Variants in ZFPM2 observed in about 807,000 individuals in gnomAD.
ZFPM2 encodes the protein zinc finger protein ZFPM2.
ZFPM2 carries 20 observed loss-of-function variants against 98.6 expected under a neutral mutation model. The ratio of observed to expected loss-of-function variants is 0.20; its 90% CI spans 0.14 to 0.29. The LOEUF is 0.29. ZFPM2 is among the 10% of genes least tolerant of loss of function. ZFPM2 has a pLI of 1.00. For missense variants in ZFPM2, 1,310 were observed against 1,388.6 expected, an observed-to-expected ratio of 0.94 and a Z score of 0.90; for synonymous variants, 518 against 502.7, an observed-to-expected ratio of 1.03 and a Z score of -0.41.
chr8:105,715,061 C>A (rs1811486640), intron 5 of ZFPM2, among the ~76,000 whole-genome samples: 1 of 151,974 alleles, frequency 6.6e-6, no homozygotes, highest in Admixed American at 6.6e-5. Flanking sequence ...CATGTTGTAA[C>A]TATACTTGTT....
At chr8:105,668,986 A>T (rs1262140058) in intron 5 of ZFPM2, among the ~76,000 whole-genome samples, 1 of 152,176 alleles carries the variant, frequency 6.6e-6, no homozygotes, top group East Asian at 1.9e-4. Flanking sequence ...GTGAAATATC[A>T]AGTTGTTTAA....
intron 1 of ZFPM2, among the ~76,000 whole-genome samples, chr8:105,342,747 A>T (rs971017825): frequency 1.4e-4 from 22 of 152,074 alleles, no homozygotes; most frequent in Non-Finnish European, 5.9e-5. Flanking sequence ...CTTACCAATT[A>T]CAATTTTGTT....
At chr8:105,733,886 A>G (rs1388680084) in intron 5 of ZFPM2, among the ~76,000 whole-genome samples, 2 of 151,926 alleles carry the variant, frequency 1.3e-5, no homozygotes, top group African/African-American at 4.8e-5. Context: ...AAGAAAATAC[A>G]CATGAGCTTT....
chr8:105,729,405 G>T (rs1208891211), intron 5 of ZFPM2, among the ~76,000 whole-genome samples: 5 of 151,226 alleles, frequency 3.3e-5, no homozygotes, highest in African/African-American at 1.2e-4. Context: ...TGGAATTTTG[G>T]TTGACCTTTA....
intron 3 of ZFPM2, among the ~76,000 whole-genome samples, chr8:105,540,429 A>G (rs1161532776): frequency 6.6e-6 from 1 of 152,142 alleles, no homozygotes; most frequent in Non-Finnish European, 1.5e-5. Context: ...AATGCAAGAA[A>G]GGCATCTAGC....
At chr8:105,381,026 A>G (rs532974558) in intron 1 of ZFPM2, among the ~76,000 whole-genome samples, 3 of 140,974 alleles carry the variant, frequency 2.1e-5, no homozygotes, top group South Asian at 2.2e-4. Context: ...TGCTGCACCT[A>G]TCAACCCATC....
chr8:105,515,911 C>CTTTTTTTTTTTTTTTTTTTTTTTTTTTTT (rs34183654), intron 3 of ZFPM2, among the ~76,000 whole-genome samples: 1 of 89,282 alleles, frequency 1.1e-5, no homozygotes, highest in Non-Finnish European at 2.0e-5. Flanking sequence ...AAAACAACTT[C>CTTTTTTTTTTTTTTTTTTTTTTTTTTTTT]TTTTTTTTTT....
chr8:105,440,010 A>G (rs1344786945), intron 2 of ZFPM2, among the ~76,000 whole-genome samples: 1 of 152,218 alleles, frequency 6.6e-6, no homozygotes, highest in Non-Finnish European at 1.5e-5. Context: ...GCACTCAAGA[A>G]GATTAAGATG....
chr8:105,360,375 T>A (rs1812833028), intron 1 of ZFPM2, among the ~76,000 whole-genome samples: 1 of 152,176 alleles, frequency 6.6e-6, no homozygotes, highest in Admixed American at 6.5e-5. Flanking sequence ...AAATACATGA[T>A]TGAGGAAACA....
intron 4 of ZFPM2, among the ~76,000 whole-genome samples, chr8:105,598,700 C>A (rs1816025672): frequency 6.6e-6 from 1 of 152,018 alleles, no homozygotes; most frequent in Non-Finnish European, 1.5e-5. Context: ...TCCTACATTT[C>A]CCTCATAAAA....
intron 3 of ZFPM2, among the ~76,000 whole-genome samples, chr8:105,449,839 T>C (rs1320501196): frequency 2.6e-5 from 4 of 152,118 alleles, no homozygotes; most frequent in Non-Finnish European, 4.4e-5. Flanking sequence ...TTACTCTTAA[T>C]ATTACTTTTA....
chr8:105,551,908 A>G (rs1419331315), intron 3 of ZFPM2, among the ~76,000 whole-genome samples: 1 of 151,890 alleles, frequency 6.6e-6, no homozygotes, highest in Admixed American at 6.6e-5. Context: ...CTACAAACAA[A>G]CAAGTATATG....
At chr8:105,608,592 T>TTTG (rs1210923853) in intron 4 of ZFPM2, among the ~76,000 whole-genome samples, 26 of 150,924 alleles carry the variant, frequency 1.7e-4, no homozygotes, top group Non-Finnish European at 3.3e-4. Context: ...TTTTTTTTTT[T>TTTG]TTTTTTTTTT....
intron 5 of ZFPM2, among the ~76,000 whole-genome samples, chr8:105,687,761 T>C (rs13263470): frequency 0.18 from 27,409 of 152,074 alleles, 2,448 homozygotes; most frequent in Middle Eastern, 0.26. Context: ...AATTAGAACA[T>C]GCTTGTAAGC....
chr8:105,591,605 C>G (rs71522748), intron 4 of ZFPM2, among the ~76,000 whole-genome samples: 2,857 of 152,060 alleles, frequency 0.019, 32 homozygotes, highest in Non-Finnish European at 0.03. Context: ...TTTAATAATA[C>G]TTGATAAGCT....
At chr8:105,638,137 A>G (rs1255527639) in intron 5 of ZFPM2, among the ~76,000 whole-genome samples, 3 of 152,134 alleles carry the variant, frequency 2.0e-5, no homozygotes, top group Admixed American at 6.6e-5. Flanking sequence ...AAGTAGTGGC[A>G]AGCTCCAGAC....
At chr8:105,525,356 A>G (rs1814152750) in intron 3 of ZFPM2, among the ~76,000 whole-genome samples, 2 of 152,206 alleles carry the variant, frequency 1.3e-5, no homozygotes. Flanking sequence ...TTCTTCGAAA[A>G]CAAATGTATT....
At chr8:105,321,745 T>C (rs1474592404) in intron 1 of ZFPM2, among the ~76,000 whole-genome samples, 1 of 152,134 alleles carries the variant, frequency 6.6e-6, no homozygotes, top group East Asian at 1.9e-4. Context: ...ATTAATTTGC[T>C]ATGATGACTG....
intron 2 of ZFPM2, among the ~76,000 whole-genome samples, chr8:105,428,782 CTG>C (rs1160738243): frequency 6.6e-6 from 1 of 152,154 alleles, no homozygotes; most frequent in East Asian, 1.9e-4. Context: ...GCTCTGGGCA[CTG>C]TGAAAACTTT....
Sources: allele counts gnomAD v4.1 joint callset (sites outside exome capture counted in the v4.1 genomes callset), GRCh38; gene constraint gnomAD v4.1.1; transcripts MANE v1.5; gene names NCBI Gene and HGNC (gene_info 2026-07-23, HGNC 2026-07-21).